Variants in PXK observed in about 807,000 individuals in gnomAD.
The protein encoded by PXK is PX domain containing serine/threonine kinase like, also known as PX domain-containing protein kinase-like protein.
A neutral mutation model predicts 84.7 loss-of-function variants in PXK; 35 were observed. The ratio of observed to expected loss-of-function variants is 0.41; its 90% confidence interval spans 0.32 to 0.55. The LOEUF is 0.55. Ranked by LOEUF, PXK falls within the 20% of genes least tolerant of loss-of-function variation. PXK has a pLI of 0.21. For synonymous variants in PXK, 253 were observed against 260.8 expected (o/e 0.97, Z 0.29); for missense variants, 634 against 699.7 (o/e 0.91, Z 1.06).
intron 3 of PXK, among the ~76,000 whole-genome samples, chr3:58,376,472 A>G (rs533165071): frequency 6.6e-6 from 1 of 152,230 alleles, no homozygotes; most frequent in Non-Finnish European, 1.5e-5. Flanking sequence ...TAGTCTTGTT[A>G]TTCATTTTGC....
chr3:58,381,555 C>CAAAAAAAAAAAA (rs34125797), intron 3 of PXK, among the ~76,000 whole-genome samples: 1 of 120,912 alleles, frequency 8.3e-6, no homozygotes. Flanking sequence ...AATAGAAAAC[C>CAAAAAAAAAAAA]AAAAAAAAAA....
At position 58,370,653 on chromosome 3, in the gene PXK, G is replaced by A. The variant is rs542634023; in HGVS notation, c.201+1175G>A. On this transcript the variant is annotated intron_variant, in intron 3 of 17. Transcript: ENST00000356151. The surrounding 1 kb of genome is among the most constrained non-coding windows in gnomAD (Gnocchi z 4.2). ...GGAGGACTGTGCACTAGGAGGAAGC[G>A]TAATACTTCCTTTCCTTCAGAAGGC... Among the ~76,000 whole-genome samples, 2 of 152,246 alleles carry A rather than the reference G, an allele frequency of 1.3e-5. No individual in the cohort carries two copies. Among genetic ancestry groups the A allele is most frequent in the South Asian group, 2.1e-4 (1 of 4,826 alleles).
chr3:58,352,833 A>G (rs2097960477), intron 1 of PXK, among the ~76,000 whole-genome samples: 1 of 152,158 alleles, frequency 6.6e-6, no homozygotes, highest in Non-Finnish European at 1.5e-5. Flanking sequence ...CTGGTAGGGC[A>G]GGAGACCATC....
At chr3:58,415,270 A>C (rs2060785665) in intron 17 of PXK, among the ~76,000 whole-genome samples, 1 of 152,114 alleles carries the variant, frequency 6.6e-6, no homozygotes, top group Middle Eastern at 3.2e-3. Context: ...GTCAGACCCC[A>C]CAGGTTGGGG....
At chr3:58,387,430 A>G (rs2098562612) in intron 4 of PXK, among the ~76,000 whole-genome samples, 1 of 152,140 alleles carries the variant, frequency 6.6e-6, no homozygotes, top group African/African-American at 2.4e-5. Flanking sequence ...AGGAAAGAAT[A>G]ATTTCCCCAG....
chr3:58,336,071 ATTTTTTTTTT>A (rs1171021563), intron 1 of PXK, among the ~76,000 whole-genome samples: 13 of 51,580 alleles, frequency 2.5e-4, no homozygotes, highest in African/African-American at 1.0e-3. Flanking sequence ...ATATATATAT[ATTTTTTTTTT>A]TTTTTTTTAA....
intron 4 of PXK, among the ~76,000 whole-genome samples, chr3:58,386,541 C>G (rs1438456699): frequency 6.6e-6 from 1 of 151,964 alleles, no homozygotes; most frequent in Admixed American, 6.6e-5. Context: ...GTGATACGCC[C>G]ACCTCGGCCT....
intron 1 of PXK, among the ~76,000 whole-genome samples, chr3:58,346,401 A>C (rs954045106): frequency 6.6e-6 from 1 of 152,098 alleles, no homozygotes; most frequent in African/African-American, 2.4e-5. Flanking sequence ...GGGAGAGGGG[A>C]GGAACACAAT....
chr3:58,363,172 G>A (rs573246994), intron 1 of PXK, among the ~76,000 whole-genome samples: 103 of 152,138 alleles, frequency 6.8e-4, no homozygotes, highest in African/African-American at 1.9e-3. Context: ...TGTAGTTTTC[G>A]ACATACAAGT....
chr3:58,394,432 A>G (rs926862453), intron 7 of PXK, among the ~76,000 whole-genome samples: 1 of 152,208 alleles, frequency 6.6e-6, no homozygotes, highest in East Asian at 1.9e-4. Flanking sequence ...ATAGAAGGGT[A>G]GGAAGATTCA....
chr3:58,406,761 AT>A (rs1201893622), intron 13 of PXK, among the ~76,000 whole-genome samples: 1 of 152,118 alleles, frequency 6.6e-6, no homozygotes, highest in Non-Finnish European at 1.5e-5. Flanking sequence ...GGCAATCACT[AT>A]TCTACTTTGT....
At chr3:58,406,616 G>C (rs2059447821) in intron 13 of PXK, among the ~76,000 whole-genome samples, 1 of 152,028 alleles carries the variant, frequency 6.6e-6, no homozygotes, top group African/African-American at 2.4e-5. Flanking sequence ...TTTACTCTCT[G>C]AACCATTTTT....
chr3:58,409,438 C>A lies in PXK; in HGVS notation c.1309-94C>A. On this transcript the variant is annotated intron_variant, in intron 14 of 17. Transcript: ENST00000356151. This position sits in a 1 kb window ranked among gnomAD's most constrained non-coding sequence, Gnocchi z 4.2. The stretch of plus-strand genomic sequence containing the variant: ...AGCAAGGAAAGATTTTCTTTTATCC[C>A]AATAAAATGTGGTTTGCCAAAACAT... The A allele has an allele frequency of 2.6e-6, 3 of 1,147,928 alleles. No homozygotes were observed. Among genetic ancestry groups the A allele is most frequent in the East Asian group, 2.4e-5 (1 of 41,560 alleles). The allele number at this position is 1,147,928 out of a possible 1,614,324, so 71.1% of individuals were successfully genotyped here. A position where few individuals can be genotyped will look rare whatever the true frequency, so the allele number is the denominator to read the frequency against.
intron 17 of PXK, among the ~76,000 whole-genome samples, chr3:58,419,045 C>G (rs1270200207): frequency 1.3e-5 from 2 of 152,206 alleles, no homozygotes; most frequent in Non-Finnish European, 2.9e-5. Context: ...TGCTTAGGTT[C>G]AACAAAGTAT....
intron 1 of PXK, among the ~76,000 whole-genome samples, chr3:58,355,747 T>A (rs2098063156): frequency 6.6e-6 from 1 of 152,162 alleles, no homozygotes; most frequent in South Asian, 2.1e-4. Flanking sequence ...CACCCTCAGG[T>A]AAGAGTCAGT....
chr3:58,391,911 G>T, intron 7 of PXK, 64 bp downstream of exon 7: 2 of 1,437,028 alleles, frequency 1.4e-6, no homozygotes, highest in South Asian at 2.3e-5. Flanking sequence ...TTTTCTGGGT[G>T]AACATGGACA....
chr3:58,337,075 G>A (rs190353196), intron 1 of PXK, among the ~76,000 whole-genome samples: 54 of 152,226 alleles, frequency 3.5e-4, no homozygotes, highest in African/African-American at 1.2e-3. Flanking sequence ...CTCCTAAGGC[G>A]CAGGGATTAC....
intron 1 of PXK, among the ~76,000 whole-genome samples, chr3:58,341,187 A>G (rs1221288324): frequency 6.6e-6 from 1 of 152,192 alleles, no homozygotes; most frequent in East Asian, 1.9e-4. Flanking sequence ...GAGTTTCTTC[A>G]GATTGACCAT....
intron 1 of PXK, among the ~76,000 whole-genome samples, chr3:58,343,969 A>G (rs1350011800): frequency 3.9e-5 from 6 of 152,046 alleles, no homozygotes; most frequent in Admixed American, 1.3e-4. Context: ...TTATACACCT[A>G]TTATTTCTTA....
Sources: gnomAD v4.1 joint callset for allele counts (sites outside exome capture counted in the v4.1 genomes callset) on GRCh38, gnomAD v4.1.1 for gene constraint, Gnocchi (gnomAD v3.1) non-coding constraint, MANE v1.5 for transcripts, NCBI Gene and HGNC (gene_info 2026-07-23, HGNC 2026-07-21) for gene names.